The following UNC13C variants were observed in gnomAD, a reference collection of about 807,000 sequenced individuals.
UNC13C encodes the protein unc-13 homolog C, also known as protein unc-13 homolog C.
A neutral mutation model predicts 245.4 loss-of-function variants in UNC13C; 174 were observed. The ratio of observed to expected loss-of-function variants is 0.71; its 90% CI spans 0.63 to 0.80. The LOEUF is 0.80. Ranked by LOEUF, UNC13C falls within the 30% of genes least tolerant of loss-of-function variation. The pLI, the probability that UNC13C is intolerant of heterozygous loss-of-function variation, is 0.00. For synonymous variants in UNC13C, 992 were observed against 895.1 expected (o/e 1.11, Z -1.93); for missense variants, 2,829 against 2,602.9 (o/e 1.09, Z -1.89).
the UNC13C span, among the ~76,000 whole-genome samples, chr15:53,935,029 C>T: frequency 6.6e-6 from 1 of 152,068 alleles, no homozygotes; most frequent in Non-Finnish European, 1.5e-5. Flanking sequence ...ATGAAGGAGC[C>T]AGGATGCAGA....
At chr15:54,495,575 A>C (rs937474270) in intron 20 of UNC13C, among the ~76,000 whole-genome samples, 1 of 152,038 alleles carries the variant, frequency 6.6e-6, no homozygotes, top group Non-Finnish European at 1.5e-5. Context: ...TGAAAATGAA[A>C]GTTATGAGCA....
At chr15:54,536,883 G>A (rs1896005410) in intron 26 of UNC13C, among the ~76,000 whole-genome samples, 1 of 152,006 alleles carries the variant, frequency 6.6e-6, no homozygotes, top group Non-Finnish European at 1.5e-5. Context: ...CATACTGAAT[G>A]GGCAAAAGCT....
intron 1 of UNC13C, among the ~76,000 whole-genome samples, chr15:54,001,902 C>T (rs887726436): frequency 7.2e-5 from 11 of 152,210 alleles, no homozygotes; most frequent in Non-Finnish European, 1.5e-4. Context: ...CACATGACTC[C>T]GTCCCATCAA....
chr15:54,450,046 C>T lies in UNC13C; in HGVS notation c.4933+34979C>T, dbSNP rs1457812216. Among the ~76,000 whole-genome samples the T allele has an allele frequency of 2.6e-5, 4 of 152,160 alleles. No individual in the cohort carries two copies. The East Asian group carries it at 7.7e-4, about 29-fold the overall frequency. Reference sequence around the variant, plus strand: ...AGTTTGCTGGAGGTCCACTGCAGACCCTGTTTGCCTGGGTATCAGCAGTGG... The same window carrying T: ...AGTTTGCTGGAGGTCCACTGCAGACTCTGTTTGCCTGGGTATCAGCAGTGG... On this transcript the variant is annotated intron_variant, in intron 19 of 32. Transcript: ENST00000260323.
At chr15:54,059,532 A>T (rs1051279496) in intron 2 of UNC13C, among the ~76,000 whole-genome samples, 9 of 152,344 alleles carry the variant, frequency 5.9e-5, no homozygotes, top group South Asian at 2.1e-4. Context: ...GAAAATGGCC[A>T]TACTGTCCAA....
chr15:54,490,771 A>G (rs981851114), intron 19 of UNC13C, among the ~76,000 whole-genome samples: 2 of 152,138 alleles, frequency 1.3e-5, no homozygotes, highest in African/African-American at 4.8e-5. Flanking sequence ...TTTAATTGGA[A>G]ACATAGTTAC....
chr15:54,049,701 C>T, intron 2 of UNC13C: 2 of 224,496 alleles, frequency 8.9e-6, no homozygotes, highest in Non-Finnish European at 1.8e-5. Context: ...AATATGCTAC[C>T]AGTGTTTTTC....
At chr15:54,545,362 C>A (rs1896438442) in intron 26 of UNC13C, among the ~76,000 whole-genome samples, 1 of 152,126 alleles carries the variant, frequency 6.6e-6, no homozygotes, top group Admixed American at 6.5e-5. Context: ...AAAACCTAGG[C>A]AATACCATTT....
At chr15:54,171,376 A>T (rs146549720) in intron 4 of UNC13C, among the ~76,000 whole-genome samples, 5 of 152,308 alleles carry the variant, frequency 3.3e-5, no homozygotes, top group Middle Eastern at 3.4e-3. Context: ...AATAGCCAGA[A>T]TATACAAGGG....
At chr15:54,251,225 ACAGTTC>A (rs954860036) in intron 8 of UNC13C, among the ~76,000 whole-genome samples, 1 of 152,090 alleles carries the variant, frequency 6.6e-6, no homozygotes, top group African/African-American at 2.4e-5. Flanking sequence ...ATGTCCTTCT[ACAGTTC>A]CTGCACAGGC....
rs373872391 is a variant in UNC13C, at chr15:54,452,761, G to A, written c.4933+37694G>A. Among the ~76,000 whole-genome samples the A allele has an allele frequency of 1.1e-4, 17 of 152,314 alleles. 1 individual carries two copies. The highest frequency in any genetic ancestry group is 2.1e-4 in the South Asian group (1 of 4,830). ...TAAGGGCCAGTTTGCTTTCAGTGTC[G>A]GCAGCCATAGGTAGCTGGCTGGGGA... On this transcript the variant is annotated intron_variant, in intron 19 of 32. Coordinates refer to ENST00000260323, the MANE Select transcript of UNC13C (RefSeq NM_001080534.3).
chr15:54,200,352 T>G (rs1555430468), intron 4 of UNC13C, among the ~76,000 whole-genome samples: 1 of 152,006 alleles, frequency 6.6e-6, no homozygotes, highest in Non-Finnish European at 1.5e-5. Context: ...CTTGCAGAAC[T>G]TTCTACCTAA....
At chr15:54,581,784 C>T (rs1030116228) in intron 30 of UNC13C, among the ~76,000 whole-genome samples, 5 of 152,128 alleles carry the variant, frequency 3.3e-5, no homozygotes, top group African/African-American at 9.7e-5. Context: ...CTCTAGGAGT[C>T]GGGCTCAAAT....
intron 8 of UNC13C, among the ~76,000 whole-genome samples, chr15:54,252,124 A>G (rs1198500737): frequency 6.6e-6 from 1 of 152,198 alleles, no homozygotes; most frequent in Non-Finnish European, 1.5e-5. Context: ...ATCTTAAGAA[A>G]TAAGCATATT....
chr15:53,954,177 T>A, the UNC13C span, among the ~76,000 whole-genome samples: 1 of 152,228 alleles, frequency 6.6e-6, no homozygotes, highest in South Asian at 2.1e-4. Context: ...TTTAACACAA[T>A]CTGTTGGAAA....
intron 26 of UNC13C, among the ~76,000 whole-genome samples, chr15:54,546,323 G>A (rs1396927967): frequency 6.6e-6 from 1 of 152,188 alleles, no homozygotes; most frequent in Non-Finnish European, 1.5e-5. Flanking sequence ...CTGTCGCCGG[G>A]TGGAGGGCTG....
chr15:53,849,560 T>A, the UNC13C span, among the ~76,000 whole-genome samples: 1 of 152,176 alleles, frequency 6.6e-6, no homozygotes, highest in African/African-American at 2.4e-5. Flanking sequence ...TTACTATTGC[T>A]ACTGTTTTTC....
chr15:54,561,149 A>C (rs1488290518), intron 29 of UNC13C, among the ~76,000 whole-genome samples: 1 of 151,920 alleles, frequency 6.6e-6, no homozygotes, highest in East Asian at 1.9e-4. Flanking sequence ...TGGGCCCAGC[A>C]CTTTTTCCCT....
the UNC13C span, among the ~76,000 whole-genome samples, chr15:53,856,434 G>T: frequency 1.3e-5 from 2 of 151,958 alleles, no homozygotes; most frequent in Admixed American, 6.6e-5. Context: ...GCTTTTTGAT[G>T]TGGGCATTTA....
Sources: gnomAD v4.1 joint callset for allele counts (sites outside exome capture counted in the v4.1 genomes callset) on GRCh38, gnomAD v4.1.1 for gene constraint, MANE v1.5 for transcripts, NCBI Gene and HGNC (gene_info 2026-07-23, HGNC 2026-07-21) for gene names.